The following KSR2 variants were observed in gnomAD, a reference collection of about 807,000 sequenced individuals.
KSR2 encodes kinase suppressor of ras 2.
A neutral mutation model predicts 107.8 loss-of-function variants in KSR2; 25 were observed. The ratio of observed to expected loss-of-function variants is 0.23; its 90% CI spans 0.17 to 0.32. The LOEUF (loss-of-function observed/expected upper bound fraction) is 0.32. Among genes scored for constraint, KSR2 ranks in the 10% least tolerant of loss-of-function variants. The pLI is 1.00. For synonymous variants in KSR2, 480 were observed against 507.0 expected, an observed-to-expected ratio of 0.95 and a Z score of 0.71; for missense variants, 887 against 1,268.9, an observed-to-expected ratio of 0.70 and a Z score of 4.57.
chr12:117,572,115 G>A (rs2136217799), intron 7 of KSR2, among the ~76,000 whole-genome samples: 1 of 152,220 alleles, frequency 6.6e-6, no homozygotes, highest in Non-Finnish European at 1.5e-5. Context: ...TGCAAAATAT[G>A]CTCAAGGCCT....
chr12:117,691,560 CT>C (rs770158082), intron 4 of KSR2, among the ~76,000 whole-genome samples: 87 of 152,328 alleles, frequency 5.7e-4, no homozygotes, highest in Middle Eastern at 6.8e-3. Context: ...CGGCTGCCCA[CT>C]GAAGGCCATG....
At chr12:117,844,963 G>A (rs1892642840) in intron 3 of KSR2, among the ~76,000 whole-genome samples, 1 of 152,148 alleles carries the variant, frequency 6.6e-6, no homozygotes, top group South Asian at 2.1e-4. Context: ...TGGTGAACAC[G>A]GTGAAACCCC....
At chr12:117,820,069 C>T (rs1593268687) in intron 3 of KSR2, among the ~76,000 whole-genome samples, 1 of 152,166 alleles carries the variant, frequency 6.6e-6, no homozygotes, top group East Asian at 1.9e-4. Context: ...TCTTTTTTTA[C>T]ATATTTCTTC....
intron 14 of KSR2, among the ~76,000 whole-genome samples, chr12:117,502,007 A>G (rs1873407675): frequency 6.6e-6 from 1 of 152,272 alleles, no homozygotes; most frequent in Non-Finnish European, 1.5e-5. Flanking sequence ...ACTGACTTCA[A>G]AACGGCCATT....
intron 4 of KSR2, among the ~76,000 whole-genome samples, chr12:117,743,559 C>G (rs1453531217): frequency 1.3e-5 from 2 of 152,244 alleles, no homozygotes; most frequent in African/African-American, 4.8e-5. Context: ...CATGTATACA[C>G]TCAGTGCAGT....
intron 3 of KSR2, among the ~76,000 whole-genome samples, chr12:117,790,412 T>C (rs1382796970): frequency 1.3e-5 from 2 of 152,174 alleles, no homozygotes; most frequent in African/African-American, 4.8e-5. Context: ...TTCCACTAAA[T>C]ACACAATTCA....
rs368261509 is a variant in KSR2, at chr12:117,855,509, C to T, written c.391G>A (p.Val131Met). Reference sequence around the variant, plus strand: ...TCCCGGTTGGCTCCGTATTTCTCCACAGTCTCGCACACCTGTTCATCCGTC... The same window carrying T: ...TCCCGGTTGGCTCCGTATTTCTCCATAGTCTCGCACACCTGTTCATCCGTC... ...EMTDEQVCET[V>M]EKYGANREEC... is the part of the protein sequence containing the mutation. Residue 131 changes from valine (V) to methionine (M), a missense_variant, in exon 3 of 20, where the codon GTG becomes ATG. Val to Met is a conservative substitution (Grantham distance 21). Transcript: ENST00000339824. The T allele has an allele frequency of 2.5e-6, 4 of 1,614,042 alleles. No individual in the cohort carries two copies. Among genetic ancestry groups the T allele is most frequent in the African/African-American group, 1.3e-5 (1 of 75,048 alleles).
intron 10 of KSR2, among the ~76,000 whole-genome samples, chr12:117,534,559 C>G (rs1875897643): frequency 6.6e-6 from 1 of 152,040 alleles, no homozygotes; most frequent in Admixed American, 6.5e-5. Context: ...TGGTTAATAC[C>G]TTTTTTTCTC....
chr12:117,653,917 G>A (rs1439670171), intron 5 of KSR2, among the ~76,000 whole-genome samples: 1 of 152,184 alleles, frequency 6.6e-6, no homozygotes, highest in African/African-American at 2.4e-5. Context: ...TGGGCCATAT[G>A]ATCCAGCAGA....
intron 1 of KSR2, among the ~76,000 whole-genome samples, chr12:117,942,056 T>G (rs550031924): frequency 3.8e-4 from 58 of 152,268 alleles, no homozygotes; most frequent in African/African-American, 1.4e-3. Flanking sequence ...TCTAGGTATA[T>G]TTCTTTCTCT....
chr12:117,498,228 G>C (rs1229330461), intron 14 of KSR2, among the ~76,000 whole-genome samples: 1 of 152,136 alleles, frequency 6.6e-6, no homozygotes, highest in Non-Finnish European at 1.5e-5. Context: ...GAGATTCAGA[G>C]AGCCTGACCT....
intron 4 of KSR2, among the ~76,000 whole-genome samples, chr12:117,723,810 T>TA (rs1887305084): frequency 1.3e-5 from 2 of 152,074 alleles, no homozygotes; most frequent in African/African-American, 4.8e-5. Flanking sequence ...ATATCATTTT[T>TA]TAAAAAAATC....
chr12:117,755,976 C>G (rs2136846395), intron 4 of KSR2, among the ~76,000 whole-genome samples: 1 of 152,330 alleles, frequency 6.6e-6, no homozygotes, highest in South Asian at 2.1e-4. Flanking sequence ...TAATCCAGAG[C>G]AGGGCCCTAA....
intron 4 of KSR2, among the ~76,000 whole-genome samples, chr12:117,732,104 C>A (rs4304868): frequency 0.19 from 29,387 of 151,656 alleles, 3,003 homozygotes; most frequent in South Asian, 0.3. Flanking sequence ...CCACAGTTCT[C>A]TCTCTACCCC....
intron 14 of KSR2, among the ~76,000 whole-genome samples, chr12:117,506,386 C>T (rs1188062901): frequency 6.6e-6 from 1 of 152,136 alleles, no homozygotes; most frequent in East Asian, 1.9e-4. Flanking sequence ...TTTCTCTTTC[C>T]AGCCAATATC....
Position 117,831,059 on chromosome 12 carries a change from T to A in KSR2, c.472+24369A>T, listed in dbSNP as rs1891944860. On this transcript the variant is annotated intron_variant, in intron 3 of 19. Coordinates refer to ENST00000339824, the MANE Select transcript of KSR2 (RefSeq NM_173598.6). ...TGTCTCCTGGGGAACCGGCAGAGCA[T>A]GAAAAATCCAAATACCTCCCCCAGA... Among the ~76,000 whole-genome samples, 5 of 152,250 alleles carry A rather than the reference T, an allele frequency of 3.3e-5. No homozygotes were observed. In the South Asian group the frequency reaches 1.0e-3, roughly 32 times the overall value.
chr12:117,813,285 G>A (rs983139120), intron 3 of KSR2, among the ~76,000 whole-genome samples: 3 of 151,264 alleles, frequency 2.0e-5, no homozygotes, highest in Non-Finnish European at 3.0e-5. Context: ...ATAGACAAAT[G>A]GGATTATATC....
At chr12:117,802,837 G>A (rs749521510) in intron 3 of KSR2, among the ~76,000 whole-genome samples, 5 of 152,050 alleles carry the variant, frequency 3.3e-5, no homozygotes, top group Non-Finnish European at 7.4e-5. Flanking sequence ...TCCCAGCCCC[G>A]GCTCTGACAA....
chr12:117,660,214 T>C (rs1442695148), intron 5 of KSR2, among the ~76,000 whole-genome samples: 1 of 152,202 alleles, frequency 6.6e-6, no homozygotes, highest in African/African-American at 2.4e-5. Flanking sequence ...GAGGTCTGCG[T>C]TGGTTTCCTA....
Sources: allele counts gnomAD v4.1 joint callset (sites outside exome capture counted in the v4.1 genomes callset), GRCh38; gene constraint gnomAD v4.1.1; transcripts MANE v1.5; gene names NCBI Gene and HGNC (gene_info 2026-07-23, HGNC 2026-07-21).